Variants in ARHGEF7 observed in about 807,000 individuals in gnomAD.
ARHGEF7 encodes Rho guanine nucleotide exchange factor 7, also known as PAK-interacting exchange factor beta.
Under a neutral mutation model 109.8 loss-of-function variants are expected in ARHGEF7, and 33 were observed. The observed-to-expected ratio is 0.30, with a 90% CI of 0.23 to 0.40. ARHGEF7 has a LOEUF of 0.40. Among genes scored for constraint, ARHGEF7 ranks in the 10% least tolerant of loss-of-function variants. The probability of loss-of-function intolerance (pLI) is 1.00; values close to 1 mark genes in which losing one functional copy is unlikely to be tolerated. For synonymous variants in ARHGEF7, 458 were observed against 424.6 expected (o/e 1.08, Z -0.97); for missense variants, 938 against 1,098.5 (o/e 0.85, Z 2.07).
At chr13:111,269,328 A>G (rs1168873629) in intron 9 of ARHGEF7, among the ~76,000 whole-genome samples, 3 of 152,228 alleles carry the variant, frequency 2.0e-5, no homozygotes, top group African/African-American at 7.2e-5. Flanking sequence ...CATGAGGAAG[A>G]TGAACAGAAA....
At chr13:111,132,008 A>C (rs966052905) in intron 1 of ARHGEF7, among the ~76,000 whole-genome samples, 117 of 152,196 alleles carry the variant, frequency 7.7e-4, no homozygotes, top group African/African-American at 2.7e-3. Context: ...GGAGGGGTGC[A>C]TGCACCTGTA....
In ARHGEF7 at chr13:111,251,385, G is replaced by A. The variant is rs1464945243; in HGVS notation, c.950+7091G>A. On this transcript the variant is annotated intron_variant, in intron 8 of 21. Transcript: ENST00000646102. ...GGCGAGATCAGGTCCTGGAGACTTT[G>A]ATTGGATCTTAGGTGACTGTCAAGA... Among the ~76,000 whole-genome samples, 4 of 152,284 alleles carry A rather than the reference G, an allele frequency of 2.6e-5. No individual in the cohort carries two copies. The East Asian group carries it at 7.7e-4, about 29-fold the overall frequency.
intron 1 of ARHGEF7, among the ~76,000 whole-genome samples, chr13:111,133,761 CTTTATATATATATATATATA>C (rs1700865478): frequency 4.1e-5 from 3 of 73,356 alleles, no homozygotes; most frequent in African/African-American, 5.5e-5. Context: ...ATCTGCTTTT[CTTTATATATATATATATATA>C]TATATATATA....
chr13:111,202,935 G>A, intron 2 of ARHGEF7: 1 of 368,764 alleles, frequency 2.7e-6, no homozygotes, highest in Non-Finnish European at 4.5e-6. Flanking sequence ...GAGAAGTGTG[G>A]TGTGTGTATT....
intron 19 of ARHGEF7, chr13:111,293,864 G>T: frequency 1.0e-6 from 1 of 985,352 alleles, no homozygotes; most frequent in Non-Finnish European, 1.2e-6. Context: ...TCTTGTCCTG[G>T]GAGCCGGGTC....
At chr13:111,232,241 G>A (rs918585946) in intron 5 of ARHGEF7, among the ~76,000 whole-genome samples, 2 of 151,962 alleles carry the variant, frequency 1.3e-5, no homozygotes, top group East Asian at 3.9e-4. Context: ...GAGACAGAGG[G>A]ACCCACCCCA....
At position 111,266,255 on chromosome 13, in the gene ARHGEF7, C is replaced by T. The variant is rs1373519970; in HGVS notation, c.951-1293C>T. 6.6e-6 allele frequency among the ~76,000 whole-genome samples: 1 copy of T among 151,960 alleles called. No homozygotes were observed. The highest frequency in any genetic ancestry group is 1.5e-5 in the Non-Finnish European group (1 of 67,988). The stretch of plus-strand genomic sequence containing the variant: ...TCTGGGCTCTGGTGCTGAGGAGCCC[C>T]ATGCTGTTCCTCATTCTCGGTGTGA... On this transcript the variant is annotated intron_variant, in intron 8 of 21. Coordinates refer to ENST00000646102, the MANE Select transcript of ARHGEF7 (RefSeq NM_001354046.2). This position sits in a 1 kb window ranked among gnomAD's most constrained non-coding sequence, Gnocchi z 4.8.
intron 8 of ARHGEF7, among the ~76,000 whole-genome samples, chr13:111,260,049 T>C (rs1157078677): frequency 6.6e-6 from 1 of 151,992 alleles, no homozygotes; most frequent in Non-Finnish European, 1.5e-5. Context: ...AGACAGGCCA[T>C]CTAAAAATAC....
Position 111,271,056 on chromosome 13 carries a change from CGGCAGTGATGGTGTG to C in ARHGEF7, c.1074-2750_1074-2736del, listed in dbSNP as rs138992216. ...GGGTGCAGAGCGTCAGCTGTTCTGC[CGGCAGTGATGGTGTG>C]GGCAGTGGCCTTCATGCAGGCCGTC... On this transcript the variant is annotated intron_variant, in intron 9 of 21. Transcript: ENST00000646102. Among the ~76,000 whole-genome samples the C allele has an allele frequency of 2.3e-3, 347 of 152,262 alleles. 1 individual carries two copies. Among genetic ancestry groups the C allele is most frequent in the African/African-American group, 8.0e-3 (333 of 41,546 alleles).
chr13:111,275,724 AG>A (rs1390888255), intron 12 of ARHGEF7, 46 bp downstream of exon 12: 1 of 1,611,410 alleles, frequency 6.2e-7, no homozygotes, highest in East Asian at 2.2e-5. Context: ...TCCCACTCTT[AG>A]GAGCTCATAG....
Position 111,172,166 on chromosome 13 carries a change from C to T in ARHGEF7, c.252+18175C>T, listed in dbSNP as rs1215183232. ...AAATACGTAAGTAGCTCTTACAAGC[C>T]AGTAAGGGAGATTGTAACAAAATGA... On this transcript the variant is annotated intron_variant, in intron 2 of 21. Coordinates refer to ENST00000646102, the MANE Select transcript of ARHGEF7 (RefSeq NM_001354046.2). Among the ~76,000 whole-genome samples, 3 of 152,270 alleles carry T rather than the reference C, an allele frequency of 2.0e-5. No individual in the cohort carries two copies. In the East Asian group the frequency reaches 5.8e-4, roughly 29 times the overall value.
intron 1 of ARHGEF7, among the ~76,000 whole-genome samples, chr13:111,133,535 A>C (rs1198309087): frequency 6.6e-6 from 1 of 151,600 alleles, no homozygotes; most frequent in Non-Finnish European, 1.5e-5. Flanking sequence ...ACATACAGAA[A>C]TGTCAGTGAT....
intron 2 of ARHGEF7, among the ~76,000 whole-genome samples, chr13:111,187,596 A>G (rs1397766587): frequency 6.6e-6 from 1 of 152,208 alleles, no homozygotes; most frequent in Non-Finnish European, 1.5e-5. Context: ...TTCATAATGT[A>G]CATTGTGTTA....
intron 2 of ARHGEF7, among the ~76,000 whole-genome samples, chr13:111,181,728 A>C (rs1393696280): frequency 6.6e-6 from 1 of 152,136 alleles, no homozygotes; most frequent in Non-Finnish European, 1.5e-5. Flanking sequence ...TAACCTGAAT[A>C]GGGGGCAGCA....
chr13:111,132,641 T>G (rs1231839243), intron 1 of ARHGEF7, among the ~76,000 whole-genome samples: 7 of 152,226 alleles, frequency 4.6e-5, no homozygotes, highest in Non-Finnish European at 8.8e-5. Flanking sequence ...CATATCATGC[T>G]AAATGGATGG....
At chr13:111,223,052 A>G (rs2084682590) in intron 5 of ARHGEF7, among the ~76,000 whole-genome samples, 1 of 152,236 alleles carries the variant, frequency 6.6e-6, no homozygotes, top group Admixed American at 6.5e-5. Context: ...CAGATTAAAC[A>G]CACATAGGTA....
At chr13:111,181,633 T>G (rs1161753986) in intron 2 of ARHGEF7, among the ~76,000 whole-genome samples, 1 of 152,198 alleles carries the variant, frequency 6.6e-6, no homozygotes, top group Non-Finnish European at 1.5e-5. Flanking sequence ...GCTGGGTGCC[T>G]TGCCCTGAGG....
At chr13:111,225,329 G>A (rs1239937349) in intron 5 of ARHGEF7, among the ~76,000 whole-genome samples, 1 of 152,024 alleles carries the variant, frequency 6.6e-6, no homozygotes, top group Non-Finnish European at 1.5e-5. Context: ...GCCAGTAGAC[G>A]GAAGAGCTCA....
At chr13:111,244,141 G>T in intron 7 of ARHGEF7, 58 bp from the exon 8 acceptor site, 1 of 1,379,400 alleles carries the variant, frequency 7.2e-7, no homozygotes, top group South Asian at 1.3e-5. Context: ...GATGGCAAAG[G>T]AGAAGAATAT....
Sources: gnomAD v4.1 joint callset for allele counts (sites outside exome capture counted in the v4.1 genomes callset) on GRCh38, gnomAD v4.1.1 for gene constraint, Gnocchi (gnomAD v3.1) non-coding constraint, MANE v1.5 for transcripts, NCBI Gene and HGNC (gene_info 2026-07-23, HGNC 2026-07-21) for gene names.